KYAT3: variants seen among roughly 807,000 people sequenced by gnomAD.
KYAT3 encodes the protein kynurenine aminotransferase 3, also known as kynurenine--oxoglutarate transaminase 3.
In KYAT3, 50 loss-of-function variants were observed where a neutral mutation model predicts 59.0. The observed-to-expected ratio is 0.85, with a 90% CI of 0.68 to 1.07. KYAT3 has a LOEUF of 1.07. Ranked by LOEUF, KYAT3 falls within the 50% of genes least tolerant of loss-of-function variation. KYAT3 has a pLI of 0.00. For synonymous variants in KYAT3, 148 were observed against 177.0 expected (o/e 0.84, Z 1.30); for missense variants, 497 against 533.3 (o/e 0.93, Z 0.67).
intron 2 of KYAT3, chr1:88,982,530 G>T: frequency 7.3e-7 from 1 of 1,363,998 alleles, no homozygotes. Context: ...GGACTTAACA[G>T]GGAATTTAAA....
intron 2 of KYAT3, among the ~76,000 whole-genome samples, chr1:88,974,008 C>T (rs1303735816): frequency 6.6e-6 from 1 of 152,066 alleles, no homozygotes; most frequent in Non-Finnish European, 1.5e-5. Flanking sequence ...CCAGAGAAGT[C>T]AAGGTCACAG....
chr1:88,959,976 G>A (rs565365388), intron 8 of KYAT3, among the ~76,000 whole-genome samples: 23 of 147,566 alleles, frequency 1.6e-4, no homozygotes, highest in Non-Finnish European at 2.3e-4. Context: ...GCTGAGGTGG[G>A]AGGATTGCTT....
chr1:88,931,880 CAAAAAAAAAAAAAAAAA>C (rs57089214), downstream of KYAT3, among the ~76,000 whole-genome samples: 56 of 30,984 alleles, frequency 1.8e-3, no homozygotes, highest in African/African-American at 5.7e-3. Context: ...CCTGCAACTG[CAAAAAAAAAAAAAAAAA>C]AAAAAAAAAA....
At chr1:88,989,692 A>G (rs1677675647) in intron 1 of KYAT3, among the ~76,000 whole-genome samples, 1 of 152,220 alleles carries the variant, frequency 6.6e-6, no homozygotes, top group African/African-American at 2.4e-5. Flanking sequence ...TTCACCCCAG[A>G]CTGGGTGAGC....
chr1:88,945,533 A>T (rs1675406614), intron 11 of KYAT3, among the ~76,000 whole-genome samples: 2 of 152,228 alleles, frequency 1.3e-5, no homozygotes, highest in African/African-American at 4.8e-5. Flanking sequence ...CCTCTTCTCT[A>T]TCAATAGTGA....
the KYAT3 span, among the ~76,000 whole-genome samples, chr1:88,924,305 A>C: frequency 1.3e-5 from 2 of 152,216 alleles, no homozygotes; most frequent in Admixed American, 6.5e-5. Context: ...TCTGAGGCAT[A>C]ATTTATACTC....
At chr1:88,983,161 G>A in intron 2 of KYAT3, 3 of 1,612,520 alleles carry the variant, frequency 1.9e-6, no homozygotes, top group Non-Finnish European at 2.5e-6. Context: ...GGTAATCTCT[G>A]CTTGAATAGC....
At chr1:88,928,151 G>C in the KYAT3 span, among the ~76,000 whole-genome samples, 1 of 152,118 alleles carries the variant, frequency 6.6e-6, no homozygotes, top group Non-Finnish European at 1.5e-5. Flanking sequence ...AAATCCTTCT[G>C]CCTTTCTGGA....
At position 88,961,607 on chromosome 1, in the gene KYAT3, T is replaced by C. The variant is rs112889563; in HGVS notation, c.541-101A>G. The C allele has an allele frequency of 3.3e-5, 34 of 1,042,846 alleles. 1 individual carries two copies. Among genetic ancestry groups the C allele is most frequent in the African/African-American group, 9.7e-5 (6 of 62,018 alleles). The allele number at this position is 1,042,846 out of a possible 1,614,324, so 64.6% of individuals were successfully genotyped here. The stretch of plus-strand genomic sequence containing the variant: ...AGGAAAAAAACATCAAAGAAAGTCA[T>C]GGCAAAGGAAACTGAATAAATTACC... On this transcript the variant is annotated intron_variant, in intron 6 of 13. Coordinates refer to ENST00000260508, the MANE Select transcript of KYAT3 (RefSeq NM_001008661.3).
At chr1:88,973,860 T>G (rs891280665) in intron 2 of KYAT3, among the ~76,000 whole-genome samples, 2 of 152,196 alleles carry the variant, frequency 1.3e-5, no homozygotes, top group African/African-American at 4.8e-5. Context: ...TGTATATATT[T>G]TTAGGACTCT....
intron 11 of KYAT3, among the ~76,000 whole-genome samples, chr1:88,946,865 A>C (rs1034477687): frequency 6.6e-6 from 1 of 152,210 alleles, no homozygotes; most frequent in African/African-American, 2.4e-5. Context: ...CAAATGAAGA[A>C]ATAAGCTAAT....
At chr1:88,927,896 C>T in the KYAT3 span, among the ~76,000 whole-genome samples, 1 of 152,106 alleles carries the variant, frequency 6.6e-6, no homozygotes, top group Non-Finnish European at 1.5e-5. Flanking sequence ...AACTGCAGCC[C>T]GAGAGTTTGG....
At chr1:88,961,528 A>G in intron 6 of KYAT3, 22 bp from the exon 7 acceptor site, 1 of 1,593,896 alleles carries the variant, frequency 6.3e-7, no homozygotes. Context: ...GAATGAAGAT[A>G]TAATTTAATT....
chr1:88,947,816 C>T (rs1218928176), intron 11 of KYAT3, among the ~76,000 whole-genome samples: 5 of 152,148 alleles, frequency 3.3e-5, no homozygotes, highest in African/African-American at 1.2e-4. Flanking sequence ...AGAACTCAGC[C>T]AGTGGCTCAT....
intron 13 of KYAT3, among the ~76,000 whole-genome samples, chr1:88,938,852 A>C (rs1264365942): frequency 6.6e-6 from 1 of 152,202 alleles, no homozygotes; most frequent in East Asian, 1.9e-4. Context: ...CTGGTGAATA[A>C]TTTTGTTGTT....
intron 1 of KYAT3, among the ~76,000 whole-genome samples, chr1:88,992,323 A>C (rs998908377): frequency 6.6e-6 from 1 of 152,244 alleles, no homozygotes; most frequent in African/African-American, 2.4e-5. Flanking sequence ...GCCTTCTAAA[A>C]GCCCAAACAG....
At chr1:88,947,143 A>G (rs1675475263) in intron 11 of KYAT3, among the ~76,000 whole-genome samples, 1 of 151,686 alleles carries the variant, frequency 6.6e-6, no homozygotes, top group Non-Finnish European at 1.5e-5. Flanking sequence ...TCGCCCACTG[A>G]CCCCCACCCT....
At chr1:88,949,368 G>T in intron 10 of KYAT3, 91 bp from the exon 11 acceptor site, 1 of 915,776 alleles carries the variant, frequency 1.1e-6, no homozygotes. Context: ...GATGATCTGA[G>T]TAAAATTATT....
chr1:88,971,234 T>C (rs2101058899), intron 2 of KYAT3, among the ~76,000 whole-genome samples: 1 of 152,350 alleles, frequency 6.6e-6, no homozygotes, highest in African/African-American at 2.4e-5. Context: ...AATCCAACTT[T>C]AAATTATTTA....
Sources: gnomAD v4.1 joint callset for allele counts (sites outside exome capture counted in the v4.1 genomes callset) on GRCh38, gnomAD v4.1.1 for gene constraint, MANE v1.5 for transcripts, NCBI Gene and HGNC (gene_info 2026-07-23, HGNC 2026-07-21) for gene names.